The following MACO1 variants were observed in gnomAD, a reference collection of about 807,000 sequenced individuals.
The protein encoded by MACO1 is macoilin.
Under a neutral mutation model 78.7 loss-of-function variants are expected in MACO1, and 14 were observed. The ratio of observed to expected loss-of-function variants is 0.18; its 90% CI spans 0.12 to 0.28. The LOEUF (loss-of-function observed/expected upper bound fraction) is 0.28, where lower values mean the gene tolerates loss of function less well. Ranked by LOEUF, MACO1 falls within the 10% of genes least tolerant of loss-of-function variation. The pLI, the probability that MACO1 is intolerant of heterozygous loss-of-function variation, is 1.00. For missense variants in MACO1, 501 were observed against 799.0 expected, an observed-to-expected ratio of 0.63 and a Z score of 4.50; for synonymous variants, 288 against 291.6, an observed-to-expected ratio of 0.99 and a Z score of 0.12.
chr1:25,471,674 G>A (rs2043273045), intron 6 of MACO1, among the ~76,000 whole-genome samples: 1 of 152,140 alleles, frequency 6.6e-6, no homozygotes, highest in Non-Finnish European at 1.5e-5. Context: ...AGGGAGGGTG[G>A]CACCCAGTAA....
At chr1:25,481,229 C>G (rs1231027861) in intron 6 of MACO1, among the ~76,000 whole-genome samples, 2 of 151,954 alleles carry the variant, frequency 1.3e-5, no homozygotes, top group Non-Finnish European at 2.9e-5. Flanking sequence ...ATGTTTTTCC[C>G]CAGCGACTGG....
chr1:25,488,370 T>G (rs1287596143), intron 8 of MACO1, among the ~76,000 whole-genome samples: 1 of 152,112 alleles, frequency 6.6e-6, no homozygotes, highest in Non-Finnish European at 1.5e-5. Context: ...AGAGTATTAT[T>G]GAAATTATCA....
At chr1:25,462,314 G>A (rs1164385476) in intron 6 of MACO1, among the ~76,000 whole-genome samples, 1 of 151,962 alleles carries the variant, frequency 6.6e-6, no homozygotes. Context: ...TTAGATTTAG[G>A]AGGTACACGT....
At chr1:25,439,230 A>T (rs2042946116) in intron 1 of MACO1, among the ~76,000 whole-genome samples, 1 of 151,976 alleles carries the variant, frequency 6.6e-6, no homozygotes, top group African/African-American at 2.4e-5. Flanking sequence ...TTATTTATTT[A>T]TTTTTAAAGA....
At chr1:25,443,400 G>T (rs2042988307) in intron 1 of MACO1, among the ~76,000 whole-genome samples, 1 of 152,216 alleles carries the variant, frequency 6.6e-6, no homozygotes, top group Non-Finnish European at 1.5e-5. Context: ...AGGCAGGCCT[G>T]CCTGAAAGGA....
intron 6 of MACO1, 51 bp from the exon 7 acceptor site, chr1:25,484,065 T>A: frequency 6.4e-7 from 1 of 1,558,248 alleles, no homozygotes; most frequent in Non-Finnish European, 8.7e-7. Context: ...CCCTCCCAGC[T>A]CTGTGGGTGC....
chr1:25,490,732 T>G (rs2124612314), intron 9 of MACO1, among the ~76,000 whole-genome samples: 1 of 152,318 alleles, frequency 6.6e-6, no homozygotes, highest in Admixed American at 6.5e-5. Flanking sequence ...AAATTTTATT[T>G]TCAAACAATA....
At chr1:25,487,433 G>A (rs1405069232) in intron 8 of MACO1, among the ~76,000 whole-genome samples, 1 of 152,136 alleles carries the variant, frequency 6.6e-6, no homozygotes, top group Non-Finnish European at 1.5e-5. Flanking sequence ...GATTACAGGC[G>A]TGAGCCACCA....
intron 3 of MACO1, among the ~76,000 whole-genome samples, chr1:25,452,307 C>T (rs1400633239): frequency 1.3e-5 from 2 of 152,148 alleles, no homozygotes; most frequent in Non-Finnish European, 2.9e-5. Context: ...ATAAATATCC[C>T]GTTATTAGTC....
At chr1:25,473,630 A>G (rs2043294011) in intron 6 of MACO1, among the ~76,000 whole-genome samples, 1 of 152,192 alleles carries the variant, frequency 6.6e-6, no homozygotes, top group African/African-American at 2.4e-5. Flanking sequence ...CTGAGTCAGT[A>G]CCTCTGTTGG....
chr1:25,445,224 A>G (rs6661533), intron 1 of MACO1, among the ~76,000 whole-genome samples: 64,430 of 150,524 alleles, frequency 0.43, 15,271 homozygotes, highest in Non-Finnish European at 0.54. Flanking sequence ...ACTTGAGCCC[A>G]GTAGATTGAG....
At chr1:25,437,920 C>CA (rs1229648826) in intron 1 of MACO1, among the ~76,000 whole-genome samples, 1 of 151,226 alleles carries the variant, frequency 6.6e-6, no homozygotes, top group South Asian at 2.1e-4. Flanking sequence ...GACCCTGTGT[C>CA]AAAAAAAGAG....
chr1:25,472,208 T>G (rs1289692709), intron 6 of MACO1, among the ~76,000 whole-genome samples: 1 of 151,898 alleles, frequency 6.6e-6, no homozygotes, highest in African/African-American at 2.4e-5. Flanking sequence ...ATATATATAT[T>G]ATACTTTGAG....
intron 6 of MACO1, among the ~76,000 whole-genome samples, chr1:25,480,751 C>T (rs565839188): frequency 3.3e-5 from 5 of 151,148 alleles, no homozygotes; most frequent in Admixed American, 1.3e-4. Context: ...GCCAACATGG[C>T]GAAACCTCGT....
At chr1:25,497,570 T>C (rs2043548815) in intron 10 of MACO1, among the ~76,000 whole-genome samples, 1 of 151,898 alleles carries the variant, frequency 6.6e-6, no homozygotes. Context: ...AACTGAAGCG[T>C]AGTGAGGGCA....
At chr1:25,460,004 C>T (rs2043157027) in intron 6 of MACO1, among the ~76,000 whole-genome samples, 1 of 152,182 alleles carries the variant, frequency 6.6e-6, no homozygotes, top group African/African-American at 2.4e-5. Flanking sequence ...TTGCTTTAGG[C>T]AGCCCTTTAG....
chr1:25,492,555 G>A (rs2043496465), intron 10 of MACO1, among the ~76,000 whole-genome samples: 1 of 152,048 alleles, frequency 6.6e-6, no homozygotes, highest in Admixed American at 6.6e-5. Context: ...GGTGGGGGTT[G>A]TAGCCTGTGT....
Position 25,492,598 on chromosome 1 carries a change from G to A in MACO1, c.1792+1014G>A, listed in dbSNP as rs114066502. Among the ~76,000 whole-genome samples, 1,114 of 152,198 alleles carry A rather than the reference G, an allele frequency of 7.3e-3. 9 individuals are homozygous for A. Among genetic ancestry groups the A allele is most frequent in the African/African-American group, 0.026 (1,078 of 41,512 alleles). ...GGGAGAGTTGTCAGAGCAGACAGGAGTAACAGCAGTCAGACTGTATGGGAC... is the reference window on the plus strand; with the variant it reads ...GGGAGAGTTGTCAGAGCAGACAGGAATAACAGCAGTCAGACTGTATGGGAC... On this transcript the variant is annotated intron_variant, in intron 10 of 10. Coordinates refer to ENST00000374343, the MANE Select transcript of MACO1 (RefSeq NM_018202.6).
At chr1:25,446,732 AAATT>A in intron 1 of MACO1, 26 bp from the exon 2 acceptor site, 2 of 1,558,086 alleles carry the variant, frequency 1.3e-6, no homozygotes, top group Non-Finnish European at 8.7e-7. Flanking sequence ...AAATGACCTT[AAATT>A]AATTCTTTAT....
Sources: allele counts gnomAD v4.1 joint callset (sites outside exome capture counted in the v4.1 genomes callset), GRCh38; gene constraint gnomAD v4.1.1; transcripts MANE v1.5; gene names NCBI Gene and HGNC (gene_info 2026-07-23, HGNC 2026-07-21).